WWP1: variants seen among roughly 807,000 people sequenced by gnomAD.
WWP1 encodes NEDD4-like E3 ubiquitin-protein ligase WWP1.
Under a neutral mutation model 130.6 loss-of-function variants are expected in WWP1, and 49 were observed. The observed-to-expected ratio is 0.38, with a 90% CI of 0.30 to 0.48. WWP1 has a LOEUF of 0.48. Among genes scored for constraint, WWP1 ranks in the 20% least tolerant of loss-of-function variants. The pLI, the probability that WWP1 is intolerant of heterozygous loss-of-function variation, is 0.99. For synonymous variants in WWP1, 332 were observed against 367.8 expected (o/e 0.90, Z 1.11); for missense variants, 809 against 1,100.6 (o/e 0.74, Z 3.75).
chr8:86,371,608 T>C (rs926161281), intron 2 of WWP1, among the ~76,000 whole-genome samples: 1 of 152,222 alleles, frequency 6.6e-6, no homozygotes, highest in Non-Finnish European at 1.5e-5. Context: ...TGTTTCATGT[T>C]TGTTGGCCTT....
intron 3 of WWP1, among the ~76,000 whole-genome samples, chr8:86,375,324 A>T (rs989615904): frequency 1.3e-5 from 2 of 151,702 alleles, no homozygotes; most frequent in African/African-American, 4.8e-5. Flanking sequence ...ATTTTGTTTT[A>T]TAACCTTGTA....
At chr8:86,349,283 T>C (rs1822778872) in intron 1 of WWP1, among the ~76,000 whole-genome samples, 1 of 152,028 alleles carries the variant, frequency 6.6e-6, no homozygotes, top group Admixed American at 6.6e-5. Flanking sequence ...CCTCCCAGAG[T>C]GCTGGGATTA....
At chr8:86,399,190 A>C (rs1398185252) in intron 7 of WWP1, among the ~76,000 whole-genome samples, 1 of 152,208 alleles carries the variant, frequency 6.6e-6, no homozygotes, top group Non-Finnish European at 1.5e-5. Context: ...TTTTATGAGT[A>C]CAGTCAGATA....
At chr8:86,344,285 A>G (rs1822433318) in intron 1 of WWP1, among the ~76,000 whole-genome samples, 1 of 152,164 alleles carries the variant, frequency 6.6e-6, no homozygotes, top group East Asian at 1.9e-4. Context: ...TAAAATGTGA[A>G]ACTGCTGGTA....
intron 1 of WWP1, chr8:86,343,314 T>G (rs1822343861): frequency 6.6e-6 from 1 of 152,596 alleles, no homozygotes; most frequent in Non-Finnish European, 1.5e-5. Context: ...GCCCGTTCCC[T>G]GACTTTCACC....
chr8:86,401,119 A>G (rs548385386), intron 7 of WWP1, among the ~76,000 whole-genome samples: 31 of 151,664 alleles, frequency 2.0e-4, no homozygotes, highest in Non-Finnish European at 3.5e-4. Flanking sequence ...TTGCTGATGT[A>G]TATACTATAC....
chr8:86,378,328 A>G (rs1266918437), intron 3 of WWP1, among the ~76,000 whole-genome samples: 1 of 151,842 alleles, frequency 6.6e-6, no homozygotes, highest in African/African-American at 2.4e-5. Flanking sequence ...ATATCATATC[A>G]TTTTTTTTAA....
intron 9 of WWP1, among the ~76,000 whole-genome samples, chr8:86,422,968 T>C (rs1227469723): frequency 1.3e-5 from 2 of 152,022 alleles, no homozygotes; most frequent in Non-Finnish European, 2.9e-5. Context: ...GCTAAAAATC[T>C]TTTAGATGGG....
chr8:86,374,010 A>G lies in WWP1; in HGVS notation c.-21-20A>G. On this transcript the variant is annotated intron_variant, in intron 2 of 24. Transcript: ENST00000517970. ...AAACTCTTATCTAACACATGAATAA[A>G]TTCCCCTTTTTTAAAATAGGTTTTA... is the stretch of plus-strand genomic sequence containing the variant. The G allele has an allele frequency of 1.3e-6, 2 of 1,559,900 alleles. No homozygotes were observed. Among genetic ancestry groups the G allele is most frequent in the Non-Finnish European group, 1.7e-6 (2 of 1,149,162 alleles).
At chr8:86,348,105 G>A (rs1312840288) in intron 1 of WWP1, among the ~76,000 whole-genome samples, 1 of 152,082 alleles carries the variant, frequency 6.6e-6, no homozygotes, top group Admixed American at 6.6e-5. Context: ...ACTTTTTTAG[G>A]GAATGTATAA....
At position 86,430,827 on chromosome 8, in the gene WWP1, A is replaced by ATG. The variant is rs1349057141; in HGVS notation, c.1387+77_1387+78insGT. 8 of 484,102 alleles carry ATG rather than the reference A, an allele frequency of 1.7e-5. No homozygotes were observed. In the African/African-American group the frequency reaches 2.0e-4, roughly 12 times the overall value. The allele number at this position is 484,102 out of a possible 1,614,324, so 30.0% of individuals were successfully genotyped here. ...TATATATATATATATATATATATAT[A>ATG]TATATGTTCCTTATTTTATATATAT... On this transcript the variant is annotated intron_variant, in intron 12 of 24. Transcript: ENST00000517970.
chr8:86,448,638 C>G (rs1206366149), intron 20 of WWP1, 125 bp downstream of exon 20: 3 of 859,520 alleles, frequency 3.5e-6, no homozygotes, highest in Non-Finnish European at 5.0e-6. Flanking sequence ...TACCAATGTT[C>G]TTGAAAAAAG....
intron 8 of WWP1, among the ~76,000 whole-genome samples, chr8:86,403,222 G>T (rs1808098075): frequency 6.6e-6 from 1 of 152,106 alleles, no homozygotes; most frequent in African/African-American, 2.4e-5. Flanking sequence ...GTCTATTTAT[G>T]GAAGTATTCA....
chr8:86,440,764 T>A (rs1203974274), intron 17 of WWP1: 1 of 424,594 alleles, frequency 2.4e-6, no homozygotes, highest in African/African-American at 2.1e-5. Flanking sequence ...CAGTCTTACA[T>A]GTCTGTCATC....
intron 7 of WWP1, among the ~76,000 whole-genome samples, chr8:86,400,059 G>A (rs1055272632): frequency 2.6e-5 from 4 of 152,112 alleles, no homozygotes; most frequent in Non-Finnish European, 5.9e-5. Context: ...GACTGGGCAT[G>A]GTGGCTCATT....
At position 86,462,699 on chromosome 8, in the gene WWP1, C is replaced by A. The variant is rs187039830; in HGVS notation, c.2669+853C>A. ...GATGACATCCTAGAGATAGGTGATT[C>A]TTTCAAGAGGTCAAAACTATTTTCA... On this transcript the variant is annotated intron_variant, in intron 24 of 24. Transcript: ENST00000517970. 4.3e-3 allele frequency among the ~76,000 whole-genome samples: 649 copies of A among 152,218 alleles called. 6 individuals carry two copies. The highest frequency in any genetic ancestry group is 0.015 in the African/African-American group (615 of 41,544).
intron 1 of WWP1, among the ~76,000 whole-genome samples, chr8:86,351,930 A>T (rs1300114594): frequency 6.6e-6 from 1 of 151,318 alleles, no homozygotes; most frequent in Non-Finnish European, 1.5e-5. Flanking sequence ...ATCTCAAGAG[A>T]TTTTATGCAC....
intron 6 of WWP1, 27 bp from the exon 7 acceptor site, chr8:86,398,545 C>G (rs374207044): frequency 6.2e-7 from 1 of 1,611,010 alleles, no homozygotes. Flanking sequence ...ATATAAAAAC[C>G]TAGTTTTTTT....
intron 4 of WWP1, 46 bp downstream of exon 4, chr8:86,380,910 A>G (rs1386723233): frequency 1.3e-6 from 2 of 1,521,268 alleles, no homozygotes; most frequent in Non-Finnish European, 1.8e-6. Context: ...AAGAAAGTGT[A>G]TTTTTTGGAA....
Sources: gnomAD v4.1 joint callset for allele counts (sites outside exome capture counted in the v4.1 genomes callset) on GRCh38, gnomAD v4.1.1 for gene constraint, MANE v1.5 for transcripts, NCBI Gene and HGNC (gene_info 2026-07-23, HGNC 2026-07-21) for gene names.